The following MPC2 variants were observed in gnomAD, a reference collection of about 807,000 sequenced individuals.
The protein encoded by MPC2 is brain protein 44.
Under a neutral mutation model 19.2 loss-of-function variants are expected in MPC2, and 19 were observed. The observed-to-expected ratio is 0.99, with a 90% CI of 0.69 to 1.45. The LOEUF (loss-of-function observed/expected upper bound fraction) is 1.45, where lower values mean the gene tolerates loss of function less well. MPC2 is among the 40% of genes most tolerant of loss of function. The probability of loss-of-function intolerance (pLI) is 0.00; values close to 1 mark genes in which losing one functional copy is unlikely to be tolerated. For missense variants in MPC2, 122 were observed against 153.0 expected (o/e 0.80, Z 1.07); for synonymous variants, 61 against 54.3 (o/e 1.12, Z -0.54).
chr1:167,936,855 C>G (rs375341166), intron 1 of MPC2, 84 bp downstream of exon 1: 1 of 1,392,076 alleles, frequency 7.2e-7, no homozygotes, highest in East Asian at 2.5e-5. Flanking sequence ...GTGTCCCCTC[C>G]CCCTCCTCCC....
chr1:167,936,792 C>T, intron 1 of MPC2, 147 bp downstream of exon 1: 1 of 884,390 alleles, frequency 1.1e-6, no homozygotes, highest in East Asian at 2.7e-5. Flanking sequence ...TAACGCTGCG[C>T]CCTGGAGGCC....
At chr1:167,926,806 A>T (rs1670770702) in intron 2 of MPC2, among the ~76,000 whole-genome samples, 1 of 152,160 alleles carries the variant, frequency 6.6e-6, no homozygotes, top group Admixed American at 6.5e-5. Context: ...TCTTCAGTTC[A>T]TGCTGTCCCT....
chr1:167,921,588 C>G (rs550297114), intron 3 of MPC2, among the ~76,000 whole-genome samples: 5 of 152,118 alleles, frequency 3.3e-5, no homozygotes, highest in Non-Finnish European at 5.9e-5. Flanking sequence ...GTGTTTTTAA[C>G]ACTGTCTCTA....
intron 3 of MPC2, among the ~76,000 whole-genome samples, chr1:167,923,503 TAG>T: frequency 6.6e-6 from 1 of 152,184 alleles, no homozygotes; most frequent in South Asian, 2.1e-4. Context: ...GTGAAATTCA[TAG>T]AGACAGAAGG....
chr1:167,924,448 T>C (rs912710621), intron 3 of MPC2, 49 bp downstream of exon 3: 22 of 1,489,912 alleles, frequency 1.5e-5, no homozygotes, highest in Non-Finnish European at 2.0e-5. Flanking sequence ...AGTAAATTCC[T>C]ATTAAGGAAT....
intron 3 of MPC2, among the ~76,000 whole-genome samples, chr1:167,922,146 T>C (rs1176276955): frequency 1.3e-5 from 2 of 152,204 alleles, no homozygotes; most frequent in East Asian, 1.9e-4. Flanking sequence ...ATAAGGTAAG[T>C]ATCTAATAGA....
intron 2 of MPC2, among the ~76,000 whole-genome samples, chr1:167,935,019 C>T (rs1029928010): frequency 2.6e-5 from 4 of 151,922 alleles, no homozygotes; most frequent in African/African-American, 9.7e-5. Flanking sequence ...GAGTCAAGCA[C>T]ATATGTTATC....
intron 2 of MPC2, among the ~76,000 whole-genome samples, chr1:167,935,276 G>T (rs1671071912): frequency 6.6e-6 from 1 of 152,238 alleles, no homozygotes; most frequent in Admixed American, 6.5e-5. Context: ...GGCTCAGTCT[G>T]CAGGCCTCTG....
chr1:167,925,470 T>TATATATATATATATATATAC (rs1197746767), intron 2 of MPC2, among the ~76,000 whole-genome samples: 2 of 107,770 alleles, frequency 1.9e-5, no homozygotes, highest in East Asian at 5.5e-4. Context: ...TATATATATA[T>TATATATATATATATATATAC]ATATACATAT....
intron 2 of MPC2, among the ~76,000 whole-genome samples, chr1:167,934,744 C>T (rs1359985606): frequency 1.3e-5 from 2 of 152,150 alleles, no homozygotes; most frequent in Non-Finnish European, 2.9e-5. Context: ...AGCCACTTTT[C>T]GGGTAGCACT....
chr1:167,920,175 C>T lies in MPC2; in HGVS notation c.236-85G>A, dbSNP rs1006980785. 34 of 839,064 alleles carry T rather than the reference C, an allele frequency of 4.1e-5. 1 individual carries two copies. The highest frequency in any genetic ancestry group is 5.9e-5 in the Non-Finnish European group (31 of 521,922). The allele number at this position is 839,064 out of a possible 1,614,324, so 52.0% of individuals were successfully genotyped here. A position where few individuals can be genotyped will look rare whatever the true frequency, so the allele number is the denominator to read the frequency against. On this transcript the variant is annotated intron_variant, in intron 4 of 5. Transcript: ENST00000271373. ...TACTTAATATTGAGTAAAGTAATTA[C>T]AACAATAATGTAGGATGAGGGACAA... is the stretch of plus-strand genomic sequence containing the variant.
At chr1:167,932,658 A>T (rs1270437225) in intron 2 of MPC2, among the ~76,000 whole-genome samples, 1 of 151,986 alleles carries the variant, frequency 6.6e-6, no homozygotes, top group East Asian at 1.9e-4. Flanking sequence ...AAAACACAAA[A>T]ATTAGCTGAG....
intron 1 of MPC2, chr1:167,936,613 T>C: frequency 9.9e-6 from 3 of 302,664 alleles, no homozygotes; most frequent in East Asian, 7.1e-5. Context: ...GAGGGAGGAG[T>C]CGCCATCGCC....
chr1:167,929,665 T>G (rs1264723682), intron 2 of MPC2, among the ~76,000 whole-genome samples: 2 of 152,188 alleles, frequency 1.3e-5, no homozygotes, highest in Non-Finnish European at 1.5e-5. Context: ...TAATAAAATA[T>G]TATATGAATC....
intron 5 of MPC2, 38 bp from the exon 6 acceptor site, chr1:167,918,397 T>C (rs1670519770): frequency 3.0e-6 from 4 of 1,323,948 alleles, no homozygotes; most frequent in South Asian, 1.3e-5. Flanking sequence ...TCATCAATAA[T>C]AATAGACAAA....
Position 167,936,929 on chromosome 1 carries a change from C to T in MPC2, c.-58+10G>A. ...GCAGAGCCATGTCTCGGGGTGGCTCCTACCCACACCTGTTGTGGGACGTGA... is the reference window on the plus strand; with the variant it reads ...GCAGAGCCATGTCTCGGGGTGGCTCTTACCCACACCTGTTGTGGGACGTGA... On this transcript the variant is annotated intron_variant, in intron 1 of 5. Transcript: ENST00000271373. The T allele has an allele frequency of 4.4e-6, 7 of 1,607,644 alleles. No homozygotes were observed. The highest frequency in any genetic ancestry group is 5.9e-6 in the Non-Finnish European group (7 of 1,178,032).
chr1:167,929,562 TAAAC>T (rs1437390153), intron 2 of MPC2, among the ~76,000 whole-genome samples: 2 of 152,204 alleles, frequency 1.3e-5, no homozygotes, highest in East Asian at 3.8e-4. Flanking sequence ...AATTTTCAAA[TAAAC>T]AAATTTAGTT....
chr1:167,936,868 C>CAA, intron 1 of MPC2, 71 bp downstream of exon 1: 1 of 1,262,350 alleles, frequency 7.9e-7, no homozygotes, highest in Non-Finnish European at 1.1e-6. Flanking sequence ...CTCCTCCCCT[C>CAA]CCCCACGCGG....
intron 5 of MPC2, among the ~76,000 whole-genome samples, chr1:167,918,970 C>T (rs1356869211): frequency 2.0e-5 from 3 of 152,100 alleles, no homozygotes; most frequent in Non-Finnish European, 2.9e-5. Context: ...TATTCTCATT[C>T]TGGAATTCTA....
Sources: gnomAD v4.1 joint callset for allele counts (sites outside exome capture counted in the v4.1 genomes callset) on GRCh38, gnomAD v4.1.1 for gene constraint, MANE v1.5 for transcripts, NCBI Gene and HGNC (gene_info 2026-07-23, HGNC 2026-07-21) for gene names.